The following CREBBP variants were observed in gnomAD, a reference collection of about 807,000 sequenced individuals.
CREBBP encodes the protein CREB binding lysine acetyltransferase, also known as CREB-binding protein.
CREBBP carries 19 observed loss-of-function variants against 265.0 expected under a neutral mutation model. That is an observed-to-expected ratio of 0.07 (90% CI 0.05 to 0.11). The LOEUF is 0.11. Among genes scored for constraint, CREBBP ranks in the 10% least tolerant of loss-of-function variants. The pLI is 1.00. For synonymous variants in CREBBP, 1,457 were observed against 1,223.7 expected, an observed-to-expected ratio of 1.19 and a Z score of -3.98; for missense variants, 2,525 against 3,219.0, an observed-to-expected ratio of 0.78 and a Z score of 5.22.
At chr16:3,852,281 G>A (rs866507130) in intron 1 of CREBBP, among the ~76,000 whole-genome samples, 16 of 141,686 alleles carry the variant, frequency 1.1e-4, no homozygotes, top group African/African-American at 4.2e-4. Context: ...CCACTGTCCT[G>A]CCTCAGCCTC....
At chr16:3,780,200 C>CCA (rs2053240429) in intron 8 of CREBBP, among the ~76,000 whole-genome samples, 1 of 149,046 alleles carries the variant, frequency 6.7e-6, no homozygotes, top group Non-Finnish European at 1.5e-5. Context: ...TAAGACTGTG[C>CCA]CACTGCACTC....
intron 5 of CREBBP, among the ~76,000 whole-genome samples, chr16:3,789,769 A>C (rs2053465084): frequency 6.6e-6 from 1 of 152,210 alleles, no homozygotes. Flanking sequence ...TGACTTTATA[A>C]AATCATCCTG....
At chr16:3,802,000 A>T (rs912684945) in intron 3 of CREBBP, among the ~76,000 whole-genome samples, 15 of 151,854 alleles carry the variant, frequency 9.9e-5, no homozygotes, top group Admixed American at 4.6e-4. Context: ...GTTTAGCCAC[A>T]GGCTCTTTGC....
chr16:3,853,961 AAC>A lies in CREBBP; in HGVS notation c.86-2954_86-2953del, dbSNP rs371504662. On this transcript the variant is annotated intron_variant, in intron 1 of 30. Transcript: ENST00000262367. ...TCAAAAACAAACAAACAAACAAACA[AAC>A]ACACACACACACACACACACGAAAA... is the stretch of plus-strand genomic sequence containing the variant. 6.3e-3 allele frequency among the ~76,000 whole-genome samples: 907 copies of A among 144,960 alleles called. 12 individuals are homozygous for A. Among genetic ancestry groups the A allele is most frequent in the South Asian group, 0.037 (174 of 4,672 alleles).
chr16:3,794,500 T>G (rs1439950606), intron 3 of CREBBP, among the ~76,000 whole-genome samples: 1 of 152,226 alleles, frequency 6.6e-6, no homozygotes, highest in East Asian at 1.9e-4. Flanking sequence ...CAGCAACCAT[T>G]ACCTCTCCTA....
chr16:3,838,537 G>A (rs1377420404), intron 2 of CREBBP, among the ~76,000 whole-genome samples: 1 of 152,084 alleles, frequency 6.6e-6, no homozygotes, highest in Non-Finnish European at 1.5e-5. Flanking sequence ...CAGCCAAAAA[G>A]TTAACTGGAA....
At chr16:3,745,686 T>G in intron 21 of CREBBP, 1 of 405,560 alleles carries the variant, frequency 2.5e-6, no homozygotes. Context: ...TGCTACACAT[T>G]TGCAAGAACA....
rs541995836 is a variant in CREBBP at position 3,813,488 on chromosome 16, G to A, written c.799-2709C>T. On this transcript the variant is annotated intron_variant, in intron 2 of 30. Coordinates refer to ENST00000262367, the MANE Select transcript of CREBBP (RefSeq NM_004380.3). ...AACCACTATACTAAATTAATTCCAT[G>A]GAACACTTACTACTCTCAGAATTTG... 2.0e-5 allele frequency among the ~76,000 whole-genome samples: 3 copies of A among 152,288 alleles called. No individual in the cohort carries two copies. The East Asian group carries it at 5.8e-4, about 29-fold the overall frequency.
intron 10 of CREBBP, 44 bp from the exon 11 acceptor site, chr16:3,777,701 T>C: frequency 6.2e-7 from 1 of 1,605,036 alleles, no homozygotes; most frequent in Non-Finnish European, 8.5e-7. Flanking sequence ...ACCCTAGTTA[T>C]TTAATATAAT....
At position 3,852,164 on chromosome 16, in the gene CREBBP, T is replaced by G. The variant is rs1342788465; in HGVS notation, c.86-1155A>C. ...AAAGCCAATCTTAAATTTGTTTTTT[T>G]TTTTTTTTTTTTTTTTTTGAGACAG... On this transcript the variant is annotated intron_variant, in intron 1 of 30. Coordinates refer to ENST00000262367, the MANE Select transcript of CREBBP (RefSeq NM_004380.3). 8.1e-4 allele frequency among the ~76,000 whole-genome samples: 88 copies of G among 108,144 alleles called. 2 individuals are homozygous for G. Among genetic ancestry groups the G allele is most frequent in the Admixed American group, 4.7e-3 (54 of 11,400 alleles). 70.9% of individuals were successfully genotyped at this position (108,144 alleles called of 152,430 possible).
At chr16:3,749,807 A>G (rs1213687294) in intron 20 of CREBBP, 124 bp from the exon 21 acceptor site, 1 of 648,080 alleles carries the variant, frequency 1.5e-6, no homozygotes, top group African/African-American at 1.8e-5. Flanking sequence ...ATGGCCCCTT[A>G]AAATCTCAAG....
In CREBBP at chr16:3,810,600, T is replaced by TA; in HGVS notation, c.975+2dup. On this transcript the variant is annotated splice_region_variant and intron_variant, in intron 3 of 30. Transcript: ENST00000262367. ...ATAACACTGAGGGCCAAGGGTAACTTACCATATTTGGCACGTTGGTGACTG... is the reference window on the plus strand; with the variant it reads ...ATAACACTGAGGGCCAAGGGTAACTTAACCATATTTGGCACGTTGGTGACTG... The TA allele has an allele frequency of 6.2e-7, 1 of 1,613,522 alleles. No homozygotes were observed. The highest frequency in any genetic ancestry group is 8.5e-7 in the Non-Finnish European group (1 of 1,179,956).
At chr16:3,749,211 G>C (rs901533862) in intron 21 of CREBBP, among the ~76,000 whole-genome samples, 2 of 152,198 alleles carry the variant, frequency 1.3e-5, no homozygotes, top group East Asian at 3.8e-4. Context: ...AATGTGCCAA[G>C]CTTTACATTA....
chr16:3,731,933 C>A lies in CREBBP; in HGVS notation c.4733G>T (p.Ser1578Ile), dbSNP rs1200989578. 1 of 1,614,244 alleles carries A rather than the reference C, an allele frequency of 6.2e-7. No individual in the cohort carries two copies. The highest frequency in any genetic ancestry group is 1.1e-5 in the South Asian group (1 of 91,086). ...CTTGGCATTCTTGCTGTCGCCCTGA[C>A]TGCCCTGCAACAACACGCAAGGCTG... ...STAASETTEG[S>I]QGDSKNAKKK... The change falls in exon 29 of 31, where the codon AGT becomes ATT. Residue 1578 changes from serine to isoleucine, a missense_variant. By Grantham distance (142) the Ser-to-Ile change is moderately radical. This residue lies in a region of CREBBP where 93 missense variants were observed against 161.5 expected (regional missense o/e 0.58). Coordinates refer to ENST00000262367, the MANE Select transcript of CREBBP (RefSeq NM_004380.3). This position sits in a 1 kb window ranked among gnomAD's most constrained non-coding sequence, Gnocchi z 7.7.
intron 3 of CREBBP, among the ~76,000 whole-genome samples, chr16:3,802,338 G>T (rs372211417): frequency 1.3e-5 from 2 of 151,668 alleles, no homozygotes; most frequent in African/African-American, 4.8e-5. Flanking sequence ...TACCGTGTTA[G>T]CCAGACTGGT....
intron 5 of CREBBP, among the ~76,000 whole-genome samples, chr16:3,786,121 G>C (rs1567312355): frequency 6.6e-6 from 1 of 152,220 alleles, no homozygotes; most frequent in African/African-American, 2.4e-5. Context: ...CCAGCACTTT[G>C]GGAGGCCGAG....
At chr16:3,734,640 C>A (rs994396591) in intron 28 of CREBBP, among the ~76,000 whole-genome samples, 2 of 152,210 alleles carry the variant, frequency 1.3e-5, no homozygotes, top group Non-Finnish European at 2.9e-5. Flanking sequence ...CCGAAGACAA[C>A]AGGCCAGGAG....
rs1597024663 is a variant in CREBBP, at chr16:3,834,831, C to T, written c.798+15466G>A. On this transcript the variant is annotated intron_variant, in intron 2 of 30. Transcript: ENST00000262367. Reference sequence around the variant, plus strand: ...TCTGTACCTTCATTTCATTGTGAAGCTCAAACTACTCTAAAAAAACCCAAA... The same window carrying T: ...TCTGTACCTTCATTTCATTGTGAAGTTCAAACTACTCTAAAAAAACCCAAA... Among the ~76,000 whole-genome samples the T allele has an allele frequency of 2.0e-5, 3 of 152,196 alleles. No homozygotes were observed. In the South Asian group the frequency reaches 6.2e-4, roughly 32 times the overall value.
intron 26 of CREBBP, chr16:3,737,024 C>G: frequency 1.6e-6 from 1 of 644,596 alleles, no homozygotes; most frequent in Non-Finnish European, 2.8e-6. Context: ...TGCAACACTT[C>G]TCCCTTGGGG....
Sources: gnomAD v4.1 joint callset for allele counts (sites outside exome capture counted in the v4.1 genomes callset) on GRCh38, gnomAD v4.1.1 for gene constraint, gnomAD v4.1.1 regional missense constraint, Gnocchi (gnomAD v3.1) non-coding constraint, MANE v1.5 for transcripts, NCBI Gene and HGNC (gene_info 2026-07-23, HGNC 2026-07-21) for gene names.